APOBEC3B: variants seen among roughly 807,000 people sequenced by gnomAD.
APOBEC3B encodes the protein DNA dC->dU-editing enzyme APOBEC-3B.
Under a neutral mutation model 53.4 loss-of-function variants are expected in APOBEC3B, and 29 were observed. The ratio of observed to expected loss-of-function variants is 0.54; its 90% CI spans 0.40 to 0.74. APOBEC3B has a LOEUF of 0.74. Among genes scored for constraint, APOBEC3B ranks in the 30% least tolerant of loss-of-function variants. APOBEC3B has a pLI of 0.00. For missense variants in APOBEC3B, 347 were observed against 496.2 expected (o/e 0.70, Z 2.86); for synonymous variants, 132 against 184.8 (o/e 0.71, Z 2.32).
intron 5 of APOBEC3B, among the ~76,000 whole-genome samples, chr22:38,990,224 ACTGGGGGCTTCTCTGGGCT>A (rs932521737): frequency 4.7e-5 from 7 of 147,994 alleles, no homozygotes; most frequent in South Asian, 2.3e-4. Context: ...GTTGCTGGAA[ACTGGGGGCTTCTCTGGGCT>A]CTATGAGCTC....
Position 38,989,461 on chromosome 22 carries a change from C to G in APOBEC3B, c.574C>G (p.Leu192Val). ...TTCCCCTGTCTTTGTCCACAGATAC[C>G]TGATGGATCCAGACACATTCACTTT... ...HRTLKEILRY[L>V]MDPDTFTFNF... The change falls in exon 5 of 8, where the codon CTG (leucine) becomes GTG (valine). Residue 192 changes from leucine (L) to valine (V), a missense_variant. Physicochemically the swap from Leu to Val is conservative, Grantham distance 32 (BLOSUM62 1). Coordinates refer to ENST00000333467, the MANE Select transcript of APOBEC3B (RefSeq NM_004900.5). 6.4e-7 allele frequency: 1 copy of G among 1,566,928 alleles called. No individual in the cohort carries two copies. Among genetic ancestry groups the G allele is most frequent in the Non-Finnish European group, 8.7e-7 (1 of 1,152,874 alleles).
At chr22:38,988,683 C>CTCTCTTTCTCTTTCTT (rs1555894372) in intron 4 of APOBEC3B, among the ~76,000 whole-genome samples, 1 of 47,512 alleles carries the variant, frequency 2.1e-5, no homozygotes, top group Non-Finnish European at 3.9e-5. Flanking sequence ...TTCTCTCTTT[C>CTCTCTTTCTCTTTCTT]TCTTTCTTTC....
At chr22:38,983,739 G>C (rs1209002135) in intron 1 of APOBEC3B, among the ~76,000 whole-genome samples, 1 of 149,192 alleles carries the variant, frequency 6.7e-6, no homozygotes, top group Non-Finnish European at 1.5e-5. Context: ...AAGGTTAAAA[G>C]CTATTTTTTA....
chr22:38,992,651 T>A lies in APOBEC3B; in HGVS notation c.*206T>A. Reference sequence around the variant, plus strand: ...TTGAAAATTTCTCTTATGTTCCAAGTGTACAAGAGTAAGATTATGCTCAAT... The same window carrying A: ...TTGAAAATTTCTCTTATGTTCCAAGAGTACAAGAGTAAGATTATGCTCAAT... On this transcript the variant is annotated 3_prime_UTR_variant, in exon 8 of 8. Transcript: ENST00000333467. The A allele has an allele frequency of 2.2e-6, 3 of 1,381,664 alleles. No homozygotes were observed. Among genetic ancestry groups the A allele is most frequent in the Non-Finnish European group, 2.9e-6 (3 of 1,028,086 alleles). The allele number at this position is 1,381,664 out of a possible 1,614,324, so 85.6% of individuals were successfully genotyped here. A position where few individuals can be genotyped will look rare whatever the true frequency, so the allele number is the denominator to read the frequency against.
At position 38,989,934 on chromosome 22, in the gene APOBEC3B, G is replaced by T. The variant is rs913760047; in HGVS notation, c.723+324G>T. 6.7e-5 allele frequency among the ~76,000 whole-genome samples: 10 copies of T among 148,932 alleles called. 2 individuals are homozygous for T. The highest frequency in any genetic ancestry group is 2.4e-4 in the African/African-American group (10 of 40,932). ...CCTACCTGACTCACAAGGCCAGGAT[G>T]TCCCTGTGCCCTCTCTTGGGCTTCA... On this transcript the variant is annotated intron_variant, in intron 5 of 7. Transcript: ENST00000333467.
At chr22:38,986,260 A>T in intron 3 of APOBEC3B, 38 bp from the exon 4 acceptor site, 1 of 1,591,396 alleles carries the variant, frequency 6.3e-7, no homozygotes, top group Non-Finnish European at 8.5e-7. Flanking sequence ...GGCCAGGGTC[A>T]GGGGAGAGCC....
intron 1 of APOBEC3B, among the ~76,000 whole-genome samples, chr22:38,983,006 G>T (rs1372697557): frequency 1.3e-5 from 2 of 148,348 alleles, no homozygotes; most frequent in Non-Finnish European, 3.0e-5. Flanking sequence ...CCACTCCAAG[G>T]TCACTCTTCA....
intron 1 of APOBEC3B, 82 bp downstream of exon 1, chr22:38,982,552 C>T: frequency 3.3e-6 from 5 of 1,522,400 alleles, no homozygotes; most frequent in Non-Finnish European, 4.5e-6. Context: ...CCTGGCCTCC[C>T]CCCGCCCCTG....
intron 5 of APOBEC3B, among the ~76,000 whole-genome samples, chr22:38,990,137 T>C (rs1473809525): frequency 1.2e-5 from 1 of 82,756 alleles, no homozygotes; most frequent in African/African-American, 5.1e-5. Flanking sequence ...CCAGGAGCCC[T>C]GAGCCCAAGG....
At chr22:38,986,805 G>C (rs2072864) in intron 4 of APOBEC3B, among the ~76,000 whole-genome samples, 1 of 147,810 alleles carries the variant, frequency 6.8e-6, no homozygotes, top group Non-Finnish European at 1.5e-5. Context: ...TGGCATCCTG[G>C]GGGGACATCT....
intron 4 of APOBEC3B, 73 bp downstream of exon 4, chr22:38,986,485 G>GGCCCTCCC: frequency 6.6e-7 from 1 of 1,512,258 alleles, no homozygotes; most frequent in Non-Finnish European, 8.9e-7. Context: ...CCGTTGGCCT[G>GGCCCTCCC]GCCCTCCCGC....
Position 38,986,308 on chromosome 22 carries a change from C to T in APOBEC3B, c.465C>T (p.Tyr155=), listed in dbSNP as rs372700506. 1.8e-5 allele frequency: 28 copies of T among 1,593,418 alleles called. 3 individuals are homozygous for T. The highest frequency in any genetic ancestry group is 2.4e-5 in the Non-Finnish European group (28 of 1,172,420). ...GCTTCTTCATCTCAGAATTTGCATA[C>T]TGCTGGGAAAACTTTGTGTACAATG... ...VTIMDYEEFA[Y]CWENFVYNEG... The change falls in exon 4 of 8, where the codon TAC becomes TAT. Residue 155 remains tyrosine, a synonymous_variant. Coordinates refer to ENST00000333467, the MANE Select transcript of APOBEC3B (RefSeq NM_004900.5).
chr22:38,984,368 TAAC>T (rs1197401300), intron 2 of APOBEC3B, 137 bp downstream of exon 2: 3 of 1,145,850 alleles, frequency 2.6e-6, no homozygotes, highest in Non-Finnish European at 3.6e-6. Flanking sequence ...GCTGAGCCCT[TAAC>T]AAAGACAGAC....
Position 38,990,066 on chromosome 22 carries a change from G to C in APOBEC3B, c.723+456G>C, listed in dbSNP as rs1266639888. On this transcript the variant is annotated intron_variant, in intron 5 of 7. Transcript: ENST00000333467. Reference sequence around the variant, plus strand: ...AACAGGTCCCATGTCAGGATGCAAAGATGGCCAGCAGTTGGGGAAGAACTG... The same window carrying C: ...AACAGGTCCCATGTCAGGATGCAAACATGGCCAGCAGTTGGGGAAGAACTG... 2.4e-5 allele frequency among the ~76,000 whole-genome samples: 2 copies of C among 83,118 alleles called. 1 individual carries two copies. Among genetic ancestry groups the C allele is most frequent in the Non-Finnish European group, 4.8e-5 (2 of 41,284 alleles). The allele number at this position is 83,118 out of a possible 152,430, so 54.5% of individuals were successfully genotyped here.
At chr22:38,982,732 G>A (rs1923583273) in intron 1 of APOBEC3B, among the ~76,000 whole-genome samples, 1 of 148,500 alleles carries the variant, frequency 6.7e-6, no homozygotes, top group African/African-American at 2.5e-5. Context: ...TGCCCGGACT[G>A]GTGCTCCCCG....
At chr22:38,989,643 G>A in intron 5 of APOBEC3B, 33 bp downstream of exon 5, 1 of 1,536,760 alleles carries the variant, frequency 6.5e-7, no homozygotes, top group Non-Finnish European at 8.8e-7. Context: ...TCCAGGCAGG[G>A]CCCTCCCAAT....
Position 38,985,830 on chromosome 22 carries a change from T to C in APOBEC3B, c.193T>C (p.Tyr65His), listed in dbSNP as rs1402432114. The change falls in exon 3 of 8, where the codon TAC becomes CAC. Residue 65 changes from tyrosine to histidine, a missense_variant. This residue lies in a region of APOBEC3B where 73 missense variants were observed against 90.9 expected (regional missense o/e 0.80). Coordinates refer to ENST00000333467, the MANE Select transcript of APOBEC3B (RefSeq NM_004900.5). ...CTCCCAGGTGTATTTCAAGCCTCAG[T>C]ACCACGCAGAAATGTGCTTCCTCTC... ...FRGQVYFKPQ[Y>H]HAEMCFLSWF... 5.7e-6 allele frequency: 9 copies of C among 1,590,462 alleles called. No individual in the cohort carries two copies. The highest frequency in any genetic ancestry group is 1.8e-5 in the Admixed American group (1 of 55,912).
At chr22:38,987,448 G>A (rs1221723565) in intron 4 of APOBEC3B, among the ~76,000 whole-genome samples, 2 of 148,548 alleles carry the variant, frequency 1.3e-5, no homozygotes, top group Non-Finnish European at 3.0e-5. Context: ...CGCTGGGCTG[G>A]TGCTCCCTGC....
chr22:38,984,323 A>G, intron 2 of APOBEC3B, 92 bp downstream of exon 2: 1 of 1,425,532 alleles, frequency 7.0e-7, no homozygotes, highest in South Asian at 1.4e-5. Flanking sequence ...GGATTTATTT[A>G]GGTGCACTGG....
Sources: allele counts gnomAD v4.1 joint callset (sites outside exome capture counted in the v4.1 genomes callset), GRCh38; gene constraint gnomAD v4.1.1; regional missense constraint gnomAD v4.1.1; transcripts MANE v1.5; gene names NCBI Gene and HGNC (gene_info 2026-07-23, HGNC 2026-07-21).